Variants in LILRA1 observed in about 807,000 individuals in gnomAD.
LILRA1 encodes the protein leukocyte immunoglobulin like receptor A1.
Under a neutral mutation model 51.6 loss-of-function variants are expected in LILRA1, and 51 were observed. The ratio of observed to expected loss-of-function variants is 0.99; its 90% confidence interval spans 0.79 to 1.25. The LOEUF (loss-of-function observed/expected upper bound fraction) is 1.25. Ranked by LOEUF, LILRA1 falls within the 50% of genes most tolerant of loss-of-function variation. The pLI is 0.00. For synonymous variants in LILRA1, 305 were observed against 248.4 expected, an observed-to-expected ratio of 1.23 and a Z score of -2.14; for missense variants, 660 against 611.7, an observed-to-expected ratio of 1.08 and a Z score of -0.83.
Position 54,598,488 on chromosome 19 carries a change from G to A in LILRA1, c.1262-748G>A, listed in dbSNP as rs74572066. Among the ~76,000 whole-genome samples, 34 of 152,240 alleles carry A rather than the reference G, an allele frequency of 2.2e-4. No homozygotes were observed. In the East Asian group the frequency reaches 5.8e-3, roughly 26 times the overall value. On this transcript the variant is annotated intron_variant, in intron 7 of 9. Transcript: ENST00000251372. ...CATGAGAAACCCGGGGGAGGTCAGC[G>A]GGAGCTACAGTGCAGCTCAGCCCTG...
intron 7 of LILRA1, among the ~76,000 whole-genome samples, chr19:54,597,777 C>A (rs868567038): frequency 2.8e-4 from 43 of 151,836 alleles, no homozygotes; most frequent in Non-Finnish European, 7.4e-5. Flanking sequence ...AGAGAGGAGG[C>A]CTTGGTGGGA....
rs748102322 is a variant in LILRA1 at position 54,594,931 on chromosome 19, C to A, written c.337C>A (p.Pro113Thr). 6 of 1,614,066 alleles carry A rather than the reference C, an allele frequency of 3.7e-6. No individual in the cohort carries two copies. Among genetic ancestry groups the A allele is most frequent in the Non-Finnish European group, 5.1e-6 (6 of 1,179,952 alleles). Reference sequence around the variant, plus strand: ...TGCAGGCTGGTCAGAGCCCAGTGACCCCCTGGAGCTGGTGGTGACAGGTGA... The same window carrying A: ...TGCAGGCTGGTCAGAGCCCAGTGACACCCTGGAGCTGGTGGTGACAGGTGA... ...HTAGWSEPSDPLELVVTGAYI... is the reference protein window; with the variant it reads ...HTAGWSEPSDTLELVVTGAYI... Residue 113 changes from proline (P) to threonine (T), a missense_variant, in exon 4 of 10, where the codon CCC becomes ACC. Pro to Thr is a conservative substitution (Grantham distance 38). Coordinates refer to ENST00000251372, the MANE Select transcript of LILRA1 (RefSeq NM_006863.4).
intron 8 of LILRA1, 128 bp downstream of exon 8, chr19:54,599,414 A>T: frequency 1.5e-6 from 2 of 1,356,634 alleles, no homozygotes; most frequent in Non-Finnish European, 2.0e-6. Context: ...ATTCTTCAAC[A>T]CCTTTAATGA....
At chr19:54,596,158 G>T in intron 6 of LILRA1, 31 bp from the exon 7 acceptor site, 1 of 1,602,714 alleles carries the variant, frequency 6.2e-7, no homozygotes, top group Non-Finnish European at 8.5e-7. Context: ...ACAAGGTGGG[G>T]CAGCCTCTCA....
At position 54,594,293 on chromosome 19, in the gene LILRA1, G is replaced by C. The variant is rs55979554; in HGVS notation, c.34+15G>C. The C allele has an allele frequency of 1.2e-3, 1,940 of 1,612,786 alleles. 34 individuals are homozygous for C. In the African/African-American group the frequency reaches 0.022, roughly 19 times the overall value. ...GATCTGTCTCAGTGAGATTTGAAGAGGGAGGGGAGCTTCTAACCTAGGAGG... is the reference window on the plus strand; with the variant it reads ...GATCTGTCTCAGTGAGATTTGAAGACGGAGGGGAGCTTCTAACCTAGGAGG... On this transcript the variant is annotated intron_variant, in intron 2 of 9. Coordinates refer to ENST00000251372, the MANE Select transcript of LILRA1 (RefSeq NM_006863.4).
At position 54,600,897 on chromosome 19, in the gene LILRA1, C is replaced by T; in HGVS notation, c.*80C>T. ...AGCCTTGGGAACAGATCTGATGATG[C>T]CAGGAGGTTCCGGGAGACAATTTAG... is the stretch of plus-strand genomic sequence containing the variant. On this transcript the variant is annotated 3_prime_UTR_variant, in exon 10 of 10. Coordinates refer to ENST00000251372, the MANE Select transcript of LILRA1 (RefSeq NM_006863.4). 3.3e-6 allele frequency: 5 copies of T among 1,518,466 alleles called. No individual in the cohort carries two copies. Among genetic ancestry groups the T allele is most frequent in the Non-Finnish European group, 4.6e-6 (5 of 1,093,368 alleles). 94.1% of individuals were successfully genotyped at this position (1,518,466 alleles called of 1,614,324 possible). A position where few individuals can be genotyped will look rare whatever the true frequency, so the allele number is the denominator to read the frequency against.
rs776621781 is a variant in LILRA1, at chr19:54,596,219, T to C, written c.989T>C (p.Val330Ala). 1 of 1,613,978 alleles carries C rather than the reference T, an allele frequency of 6.2e-7. No homozygotes were observed. Among genetic ancestry groups the C allele is most frequent in the African/African-American group, 1.3e-5 (1 of 74,982 alleles). ...GQFRGRPFIS[V>A]HPGPTVASGE... ...TTCCGTGGCAGACCCTTCATCTCGG[T>C]GCATCCGGGCCCCACGGTGGCCTCA... The change falls in exon 7 of 10, where the codon GTG (valine) becomes GCG (alanine). Residue 330 changes from valine to alanine, a missense_variant. By Grantham distance (64) the Val-to-Ala change is moderately conservative. Transcript: ENST00000251372.
In LILRA1 at chr19:54,600,925, C is replaced by G. The variant is rs2063152541; in HGVS notation, c.*108C>G. On this transcript the variant is annotated 3_prime_UTR_variant, in exon 10 of 10. Transcript: ENST00000251372. ...GGAGGTTCCGGGAGACAATTTAGGG[C>G]TGATGCTATCTGGACTGTCTGCCAA... 3 of 1,192,664 alleles carry G rather than the reference C, an allele frequency of 2.5e-6. No homozygotes were observed. The South Asian group carries it at 3.7e-5, about 15-fold the overall frequency. The allele number at this position is 1,192,664 out of a possible 1,614,324, so 73.9% of individuals were successfully genotyped here.
chr19:54,594,769 C>T lies in LILRA1; in HGVS notation c.175C>T (p.Arg59Cys), dbSNP rs370643444. 3.3e-5 allele frequency: 53 copies of T among 1,613,976 alleles called. No homozygotes were observed. The highest frequency in any genetic ancestry group is 4.2e-5 in the Non-Finnish European group (50 of 1,179,972). ...GGGGATCCTGGAGACCCAGGAGTACCGTCTGTATAGAGAAAAGAAAACAGC... is the reference window on the plus strand; with the variant it reads ...GGGGATCCTGGAGACCCAGGAGTACTGTCTGTATAGAGAAAAGAAAACAGC... ...CQGILETQEY[R>C]LYREKKTAPW... Residue 59 changes from arginine (R) to cysteine (C), a missense_variant, in exon 4 of 10, where the codon CGT becomes TGT. By Grantham distance (180) the Arg-to-Cys change is radical (BLOSUM62 -3). Transcript: ENST00000251372.
In LILRA1 at chr19:54,594,242, G is replaced by T. The variant is rs371515637; in HGVS notation, c.-3G>T. On this transcript the variant is annotated 5_prime_UTR_variant, in exon 2 of 10. Transcript: ENST00000251372. ...GCAGAGCAGGGCAGTGGGAGGAGACGCTATGACCCCCATCGTCACAGTCCT... is the reference window on the plus strand; with the variant it reads ...GCAGAGCAGGGCAGTGGGAGGAGACTCTATGACCCCCATCGTCACAGTCCT... 6.2e-7 allele frequency: 1 copy of T among 1,613,020 alleles called. No homozygotes were observed. The highest frequency in any genetic ancestry group is 8.5e-7 in the Non-Finnish European group (1 of 1,179,570).
chr19:54,595,482 G>A, intron 5 of LILRA1, 80 bp downstream of exon 5: 1 of 1,548,502 alleles, frequency 6.5e-7, no homozygotes, highest in Non-Finnish European at 8.7e-7. Flanking sequence ...CACGTCTCAG[G>A]GCAGCTCCAG....
In LILRA1 at chr19:54,594,322, C is replaced by T. The variant is rs781238323; in HGVS notation, c.34+44C>T. 39 of 1,613,316 alleles carry T rather than the reference C, an allele frequency of 2.4e-5. 1 individual carries two copies. The highest frequency in any genetic ancestry group is 2.3e-5 in the Non-Finnish European group (27 of 1,179,702). ...GGGGAGCTTCTAACCTAGGAGGGAC[C>T]TCACCCCACAGCCGACCTCTAGTCC... On this transcript the variant is annotated intron_variant, in intron 2 of 9. Transcript: ENST00000251372.
intron 7 of LILRA1, 141 bp downstream of exon 7, chr19:54,596,632 C>T: frequency 8.3e-7 from 1 of 1,206,422 alleles, no homozygotes; most frequent in East Asian, 2.4e-5. Flanking sequence ...CTTTGGGAGG[C>T]CCAGGCGGGT....
intron 7 of LILRA1, among the ~76,000 whole-genome samples, chr19:54,597,846 G>A (rs2063091204): frequency 6.6e-6 from 1 of 151,610 alleles, no homozygotes; most frequent in African/African-American, 2.4e-5. Flanking sequence ...CACAACACGT[G>A]CTGTGAATAA....
At chr19:54,600,405 T>C (rs1600277498) in intron 8 of LILRA1, 107 bp from the exon 9 acceptor site, 2 of 1,064,734 alleles carry the variant, frequency 1.9e-6, no homozygotes, top group Non-Finnish European at 1.4e-6. Context: ...GAAGGGTTTA[T>C]TGAGGAACTC....
Position 54,594,911 on chromosome 19 carries a change from G to C in LILRA1, c.317G>C (p.Gly106Ala). ...TGTTTCTACGGTAGCCACACTGCAG[G>C]CTGGTCAGAGCCCAGTGACCCCCTG... The part of the protein sequence containing the change: ...YRCFYGSHTA[G>A]WSEPSDPLEL... Residue 106 changes from glycine (G) to alanine (A), a missense_variant, in exon 4 of 10, where the codon GGC becomes GCC. Coordinates refer to ENST00000251372, the MANE Select transcript of LILRA1 (RefSeq NM_006863.4). The C allele has an allele frequency of 6.2e-7, 1 of 1,614,080 alleles. No homozygotes were observed. Among genetic ancestry groups the C allele is most frequent in the Admixed American group, 1.7e-5 (1 of 60,026 alleles).
At chr19:54,596,571 G>T in intron 7 of LILRA1, 80 bp downstream of exon 7, 3 of 1,573,360 alleles carry the variant, frequency 1.9e-6, no homozygotes, top group Non-Finnish European at 2.6e-6. Context: ...TGGACACTAA[G>T]AAAAGAGGGG....
chr19:54,601,163 A>G lies in LILRA1; in HGVS notation c.*346A>G, dbSNP rs994835261. 1.1e-4 allele frequency: 42 copies of G among 388,558 alleles called. No homozygotes were observed. Among genetic ancestry groups the G allele is most frequent in the Non-Finnish European group, 1.8e-4 (37 of 208,500 alleles). 24.1% of individuals were successfully genotyped at this position (388,558 alleles called of 1,614,324 possible). A position where few individuals can be genotyped will look rare whatever the true frequency, so the allele number is the denominator to read the frequency against. ...TCTGCACATCTGTGTGCTCTGGTCC[A>G]TGGTGTGTAACACAGTCTTCTTTAT... On this transcript the variant is annotated 3_prime_UTR_variant, in exon 10 of 10. Coordinates refer to ENST00000251372, the MANE Select transcript of LILRA1 (RefSeq NM_006863.4).
rs1264520572 is a variant in LILRA1, at chr19:54,601,612, C to A, written c.*795C>A. 3.3e-5 allele frequency: 5 copies of A among 152,204 alleles called. No individual in the cohort carries two copies. The highest frequency in any genetic ancestry group is 3.9e-4 in the East Asian group (2 of 5,194). The allele number at this position is 152,204 out of a possible 1,614,324, so 9.4% of individuals were successfully genotyped here. A position where few individuals can be genotyped will look rare whatever the true frequency, so the allele number is the denominator to read the frequency against. ...GACTTCCTGCCTTTCCAGGCAGAACCAAAGTACACCACGTCAAAAGCAATG... is the reference window on the plus strand; with the variant it reads ...GACTTCCTGCCTTTCCAGGCAGAACAAAAGTACACCACGTCAAAAGCAATG... On this transcript the variant is annotated 3_prime_UTR_variant, in exon 10 of 10. Transcript: ENST00000251372.
Sources: allele counts gnomAD v4.1 joint callset (sites outside exome capture counted in the v4.1 genomes callset), GRCh38; gene constraint gnomAD v4.1.1; transcripts MANE v1.5; gene names NCBI Gene and HGNC (gene_info 2026-07-23, HGNC 2026-07-21).